PKP2: variants seen among roughly 807,000 people sequenced by gnomAD.
The protein encoded by PKP2 is plakophilin-2.
In PKP2, 73 loss-of-function variants were observed where a neutral mutation model predicts 83.4. The observed-to-expected ratio is 0.88, with a 90% confidence interval of 0.72 to 1.06. The LOEUF (loss-of-function observed/expected upper bound fraction) is 1.06, where lower values mean the gene tolerates loss of function less well. PKP2 is among the 50% of genes least tolerant of loss of function. The pLI, the probability that PKP2 is intolerant of heterozygous loss-of-function variation, is 0.00. For synonymous variants in PKP2, 409 were observed against 430.4 expected (o/e 0.95, Z 0.62); for missense variants, 966 against 1,065.4 (o/e 0.91, Z 1.30).
At chr12:32,828,485 T>C (rs1303739477) in intron 6 of PKP2, among the ~76,000 whole-genome samples, 1 of 152,182 alleles carries the variant, frequency 6.6e-6, no homozygotes, top group Non-Finnish European at 1.5e-5. Flanking sequence ...CACTAGACAT[T>C]ATGGTAGGCA....
chr12:32,870,771 G>C (rs1310731763), intron 3 of PKP2, among the ~76,000 whole-genome samples: 1 of 151,866 alleles, frequency 6.6e-6, no homozygotes, highest in African/African-American at 2.4e-5. Flanking sequence ...CTGTTATGCA[G>C]CTTTTTTTTT....
chr12:32,869,915 G>A (rs1009584323), intron 3 of PKP2, among the ~76,000 whole-genome samples: 8 of 152,048 alleles, frequency 5.3e-5, no homozygotes, highest in Non-Finnish European at 1.2e-4. Context: ...TGTAGACCCA[G>A]CTACTTGGAA....
At chr12:32,885,488 T>C (rs962516130) in intron 1 of PKP2, among the ~76,000 whole-genome samples, 1 of 152,118 alleles carries the variant, frequency 6.6e-6, no homozygotes, top group Non-Finnish European at 1.5e-5. Flanking sequence ...AGCCTGTCTC[T>C]AAAACATAAA....
intron 1 of PKP2, among the ~76,000 whole-genome samples, chr12:32,883,747 CAGTT>C (rs894009279): frequency 2.6e-5 from 4 of 152,174 alleles, no homozygotes; most frequent in Non-Finnish European, 2.9e-5. Flanking sequence ...CTGGACAAAT[CAGTT>C]AGATGCCTGT....
chr12:32,825,423 G>A (rs1319880326), intron 6 of PKP2, among the ~76,000 whole-genome samples: 1 of 152,000 alleles, frequency 6.6e-6, no homozygotes. Context: ...CGCCCGCCTT[G>A]GCCTCCCAAA....
At chr12:32,804,743 A>G (rs1304884888) in intron 9 of PKP2, among the ~76,000 whole-genome samples, 1 of 152,168 alleles carries the variant, frequency 6.6e-6, no homozygotes, top group Non-Finnish European at 1.5e-5. Flanking sequence ...GCTATTGTGA[A>G]TAGTGCTGCA....
In PKP2 at chr12:32,878,387, C is replaced by T. The variant is rs886049322; in HGVS notation, c.493G>A (p.Asp165Asn). The change falls in exon 3 of 13, where the codon GAT becomes AAT. Residue 165 changes from aspartate to asparagine, a missense_variant. Coordinates refer to ENST00000340811, the MANE Select transcript of PKP2 (RefSeq NM_001005242.3). The stretch of plus-strand genomic sequence containing the variant: ...TGGCTTCTCTGGCTGTACTGGTAAT[C>T]GCTGTGCGTGTAGTGAGCCCTCTCC... The part of the protein sequence containing the change: ...SPERAHYTHS[D>N]YQYSQRSQAG... 9.3e-6 allele frequency: 15 copies of T among 1,613,826 alleles called. No homozygotes were observed. Among genetic ancestry groups the T allele is most frequent in the South Asian group, 3.3e-5 (3 of 91,066 alleles).
intron 1 of PKP2, among the ~76,000 whole-genome samples, chr12:32,895,195 A>G (rs958740274): frequency 1.3e-5 from 2 of 151,316 alleles, no homozygotes; most frequent in Non-Finnish European, 3.0e-5. Flanking sequence ...TTAAATACAT[A>G]TATATATATA....
intron 9 of PKP2, among the ~76,000 whole-genome samples, chr12:32,805,717 C>T (rs11052255): frequency 0.2 from 29,758 of 152,090 alleles, 3,590 homozygotes; most frequent in East Asian, 0.56. Context: ...AGCCCTGTAA[C>T]ACAGTTTGAA....
intron 1 of PKP2, 114 bp downstream of exon 1, chr12:32,896,394 AG>A: frequency 1.4e-6 from 1 of 730,736 alleles, no homozygotes; most frequent in Non-Finnish European, 2.1e-6. Flanking sequence ...GGCGAGCAAC[AG>A]GTGGGCAGAA....
chr12:32,817,594 T>C (rs899667327), intron 9 of PKP2, among the ~76,000 whole-genome samples: 1 of 152,258 alleles, frequency 6.6e-6, no homozygotes, highest in Non-Finnish European at 1.5e-5. Flanking sequence ...TTTGATAGCA[T>C]AAGTTATTAA....
At chr12:32,832,238 C>T (rs540815669) in intron 6 of PKP2, among the ~76,000 whole-genome samples, 10 of 151,974 alleles carry the variant, frequency 6.6e-5, no homozygotes, top group East Asian at 3.9e-4. Context: ...ATTAGCTGGG[C>T]GTGGTGGTGC....
intron 1 of PKP2, among the ~76,000 whole-genome samples, chr12:32,895,274 A>C (rs1290851732): frequency 2.0e-5 from 3 of 152,222 alleles, no homozygotes; most frequent in Admixed American, 2.0e-4. Context: ...TATATTAACT[A>C]CGATCATTGA....
Position 32,896,760 on chromosome 12 carries a change from G to C in PKP2, c.-29C>G, listed in dbSNP as rs752524692. The C allele has an allele frequency of 4.0e-6, 5 of 1,242,240 alleles. No homozygotes were observed. The highest frequency in any genetic ancestry group is 3.2e-5 in the South Asian group (2 of 62,044). The allele number at this position is 1,242,240 out of a possible 1,614,324, so 77.0% of individuals were successfully genotyped here. On this transcript the variant is annotated 5_prime_UTR_variant, in exon 1 of 13. Coordinates refer to ENST00000340811, the MANE Select transcript of PKP2 (RefSeq NM_001005242.3). ...GCCGGTGGGGGCGACCGAGCTGCTC[G>C]CCTGCCTCTGGACTCGCGGGCGAAG...
chr12:32,798,423 A>G (rs968742779), intron 10 of PKP2, among the ~76,000 whole-genome samples: 1 of 151,910 alleles, frequency 6.6e-6, no homozygotes, highest in African/African-American at 2.4e-5. Flanking sequence ...AACTATTTTA[A>G]ATGTACTTTT....
At chr12:32,874,180 A>C (rs1221230975) in intron 3 of PKP2, among the ~76,000 whole-genome samples, 1 of 152,182 alleles carries the variant, frequency 6.6e-6, no homozygotes, top group East Asian at 1.9e-4. Context: ...ATACTCCTTT[A>C]CATGTGGGAG....
At chr12:32,841,260 G>A (rs756484715) in intron 5 of PKP2, 55 bp from the exon 6 acceptor site, 13 of 1,468,640 alleles carry the variant, frequency 8.9e-6, no homozygotes, top group East Asian at 4.5e-5. Context: ...CAAAATGACC[G>A]CTGAAAAGTT....
intron 11 of PKP2, 103 bp from the exon 12 acceptor site, chr12:32,792,834 C>T (rs534866235): frequency 2.2e-5 from 20 of 901,178 alleles, no homozygotes; most frequent in Admixed American, 1.3e-4. Context: ...ACTGCTACTC[C>T]GCAGCAGCCA....
At position 32,877,863 on chromosome 12, in the gene PKP2, G is replaced by A. The variant is rs751068912; in HGVS notation, c.1017C>T (p.Phe339=). Residue 339 remains phenylalanine (F), a synonymous_variant, in exon 3 of 13, where the codon TTC becomes TTT. Transcript: ENST00000340811. The stretch of plus-strand genomic sequence containing the variant: ...GGACTTACCCCAGCTGGGAGTCAGT[G>A]AAAGTGCTTCTCTCAGTGAGCAGAT... ...SGNLLTERST[F]TDSQLGNADM... is the part of the protein sequence containing the mutation. The A allele has an allele frequency of 1.9e-6, 3 of 1,613,424 alleles. No homozygotes were observed. The highest frequency in any genetic ancestry group is 2.7e-5 in the African/African-American group (2 of 74,922).
Sources: gnomAD v4.1 joint callset for allele counts (sites outside exome capture counted in the v4.1 genomes callset) on GRCh38, gnomAD v4.1.1 for gene constraint, MANE v1.5 for transcripts, NCBI Gene and HGNC (gene_info 2026-07-23, HGNC 2026-07-21) for gene names.